Variants in NRXN1 observed in about 807,000 individuals in gnomAD.
The protein encoded by NRXN1 is neurexin-1.
Under a neutral mutation model 150.9 loss-of-function variants are expected in NRXN1, and 39 were observed. The ratio of observed to expected loss-of-function variants is 0.26; its 90% confidence interval spans 0.20 to 0.34. The LOEUF (loss-of-function observed/expected upper bound fraction) is 0.34, where lower values mean the gene tolerates loss of function less well. Among genes scored for constraint, NRXN1 ranks in the 10% least tolerant of loss-of-function variants. The pLI, the probability that NRXN1 is intolerant of heterozygous loss-of-function variation, is 1.00. For missense variants in NRXN1, 1,815 were observed against 1,949.9 expected (o/e 0.93, Z 1.30); for synonymous variants, 924 against 757.0 (o/e 1.22, Z -3.62).
At chr2:49,943,683 T>G in intron 22 of NRXN1, 21 bp downstream of exon 22, 1 of 1,555,220 alleles carries the variant, frequency 6.4e-7, no homozygotes, top group Non-Finnish European at 8.9e-7. Context: ...GCCAAGGAAG[T>G]AAGAAAAAAA....
chr2:50,125,179 C>T (rs1704390320), intron 18 of NRXN1, among the ~76,000 whole-genome samples: 1 of 151,994 alleles, frequency 6.6e-6, no homozygotes, highest in Non-Finnish European at 1.5e-5. Flanking sequence ...TGTAATGGTC[C>T]TATAATCAAT....
chr2:50,857,294 T>C (rs1675410315), intron 5 of NRXN1, among the ~76,000 whole-genome samples: 1 of 151,876 alleles, frequency 6.6e-6, no homozygotes, highest in African/African-American at 2.4e-5. Context: ...GGGGCAAGGA[T>C]AGTGGGGTGG....
intron 17 of NRXN1, among the ~76,000 whole-genome samples, chr2:50,417,789 C>A (rs1649746055): frequency 6.6e-6 from 1 of 151,712 alleles, no homozygotes; most frequent in African/African-American, 2.4e-5. Flanking sequence ...AAGAAATGTA[C>A]TGAAAAAGCA....
intron 5 of NRXN1, among the ~76,000 whole-genome samples, chr2:50,720,348 C>T (rs984498556): frequency 2.0e-5 from 3 of 152,132 alleles, no homozygotes; most frequent in African/African-American, 7.2e-5. Flanking sequence ...ATGTAAGCTA[C>T]AAATCAGCCA....
chr2:50,673,366 A>C (rs970918988), intron 5 of NRXN1, among the ~76,000 whole-genome samples: 1 of 152,134 alleles, frequency 6.6e-6, no homozygotes, highest in Non-Finnish European at 1.5e-5. Context: ...ATTTGAATGA[A>C]AATAATATGA....
intron 17 of NRXN1, among the ~76,000 whole-genome samples, chr2:50,385,461 T>G (rs2081270356): frequency 6.6e-6 from 1 of 152,182 alleles, no homozygotes; most frequent in African/African-American, 2.4e-5. Flanking sequence ...TCTTAGTGAC[T>G]TCTACATTAA....
intron 22 of NRXN1, among the ~76,000 whole-genome samples, chr2:49,930,379 C>T (rs1367564631): frequency 1.3e-5 from 2 of 152,060 alleles, no homozygotes; most frequent in East Asian, 3.9e-4. Context: ...CTCTAAAATA[C>T]AGAGTGTGTG....
rs538265413 is a variant in NRXN1 at position 50,800,556 on chromosome 2, A to AT, written c.832+121312dup. ...TATAAAATGAATAAATTAATAATGA[A>AT]TTTTTTTTTTAAGACAAAGTTTCAC... is the stretch of plus-strand genomic sequence containing the variant. On this transcript the variant is annotated intron_variant, in intron 5 of 22. Coordinates refer to ENST00000401669, the MANE Select transcript of NRXN1 (RefSeq NM_001330078.2). 7.6e-4 allele frequency among the ~76,000 whole-genome samples: 114 copies of AT among 150,242 alleles called. 1 individual carries two copies. The highest frequency in any genetic ancestry group is 3.3e-3 in the East Asian group (17 of 5,134).
chr2:50,990,466 T>G (rs1437131782), intron 2 of NRXN1, among the ~76,000 whole-genome samples: 3 of 152,018 alleles, frequency 2.0e-5, no homozygotes, highest in Non-Finnish European at 4.4e-5. Context: ...AGTTAACAGT[T>G]CAAGCGCTCT....
chr2:50,928,185 A>G (rs997375362), intron 2 of NRXN1, among the ~76,000 whole-genome samples: 3 of 151,958 alleles, frequency 2.0e-5, no homozygotes, highest in Non-Finnish European at 4.4e-5. Context: ...AAATCCAGAA[A>G]AGTGGTCTGT....
intron 3 of NRXN1, among the ~76,000 whole-genome samples, chr2:50,923,817 T>G (rs1354814771): frequency 1.3e-5 from 2 of 151,876 alleles, no homozygotes; most frequent in Non-Finnish European, 2.9e-5. Flanking sequence ...AGTATTTAAA[T>G]TATCTGTGTT....
intron 5 of NRXN1, among the ~76,000 whole-genome samples, chr2:50,771,470 G>T (rs1559238186): frequency 1.3e-5 from 2 of 152,106 alleles, no homozygotes; most frequent in Non-Finnish European, 2.9e-5. Flanking sequence ...GAGCTAAACT[G>T]TCAGTAGAAG....
chr2:50,119,389 A>G, intron 18 of NRXN1, among the ~76,000 whole-genome samples: 1 of 152,152 alleles, frequency 6.6e-6, no homozygotes, highest in Non-Finnish European at 1.5e-5. Context: ...GTAAGGAGAT[A>G]CGTAAGTGTG....
intron 5 of NRXN1, among the ~76,000 whole-genome samples, chr2:50,901,476 G>T (rs1430923475): frequency 6.6e-6 from 1 of 152,134 alleles, no homozygotes; most frequent in Non-Finnish European, 1.5e-5. Flanking sequence ...GGTAGAACTT[G>T]CAGTGAGCCG....
At chr2:50,924,455 G>C (rs1686559055) in intron 3 of NRXN1, among the ~76,000 whole-genome samples, 1 of 151,660 alleles carries the variant, frequency 6.6e-6, no homozygotes, top group Non-Finnish European at 1.5e-5. Flanking sequence ...AGCCTCTTGG[G>C]ATGCAATAGG....
chr2:50,509,990 C>G (rs1045417062), intron 12 of NRXN1, among the ~76,000 whole-genome samples: 1 of 151,980 alleles, frequency 6.6e-6, no homozygotes, highest in African/African-American at 2.4e-5. Flanking sequence ...TGTGAGGATA[C>G]AAAGAGAAGG....
intron 5 of NRXN1, among the ~76,000 whole-genome samples, chr2:50,783,967 A>G (rs764432429): frequency 1.1e-4 from 17 of 152,126 alleles, no homozygotes; most frequent in Non-Finnish European, 2.1e-4. Context: ...CAAAGCTACA[A>G]GTAACAAATA....
At chr2:50,407,141 C>A (rs570561700) in intron 17 of NRXN1, among the ~76,000 whole-genome samples, 1 of 152,022 alleles carries the variant, frequency 6.6e-6, no homozygotes, top group Non-Finnish European at 1.5e-5. Flanking sequence ...ACTCCCATGG[C>A]CTCAATATTC....
Position 51,028,114 on chromosome 2 carries a change from T to C in NRXN1, c.160A>G (p.Met54Val). 3 of 1,574,220 alleles carry C rather than the reference T, an allele frequency of 1.9e-6. No homozygotes were observed. Among genetic ancestry groups the C allele is most frequent in the East Asian group, 2.3e-5 (1 of 43,526 alleles). The change falls in exon 2 of 23, where the codon ATG becomes GTG. Residue 54 changes from methionine (M) to valine (V), a missense_variant. This residue lies in a region of NRXN1 where 554 missense variants were observed against 478.8 expected (regional missense o/e 1.16). Coordinates refer to ENST00000401669, the MANE Select transcript of NRXN1 (RefSeq NM_001330078.2). ...CTGCGAGTCTTGAGCTGGAAGCTCA[T>C]CTCGCTCTCGCAGCAGGCGTTCCAC... is the stretch of plus-strand genomic sequence containing the variant. Reference protein sequence around the residue: ...PKWNACCESEMSFQLKTRSAR... With the variant: ...PKWNACCESEVSFQLKTRSAR...
Sources: allele counts gnomAD v4.1 joint callset (sites outside exome capture counted in the v4.1 genomes callset), GRCh38; gene constraint gnomAD v4.1.1; regional missense constraint gnomAD v4.1.1; transcripts MANE v1.5; gene names NCBI Gene and HGNC (gene_info 2026-07-23, HGNC 2026-07-21).